Variants in THAP12 observed in about 807,000 individuals in gnomAD.
THAP12 encodes THAP domain containing 12.
A neutral mutation model predicts 63.0 loss-of-function variants in THAP12; 20 were observed. The observed-to-expected ratio is 0.32, with a 90% CI of 0.22 to 0.46. THAP12 has a LOEUF of 0.46. Among genes scored for constraint, THAP12 ranks in the 20% least tolerant of loss-of-function variants. The pLI, the probability that THAP12 is intolerant of heterozygous loss-of-function variation, is 1.00. For synonymous variants in THAP12, 264 were observed against 328.4 expected (o/e 0.80, Z 2.12); for missense variants, 568 against 908.2 (o/e 0.63, Z 4.81).
At chr11:76,366,637 C>T (rs544738940) in intron 1 of THAP12, among the ~76,000 whole-genome samples, 30 of 151,476 alleles carry the variant, frequency 2.0e-4, no homozygotes, top group African/African-American at 7.3e-4. Flanking sequence ...GCCGAGATTG[C>T]GCCACTGCAC....
At position 76,361,017 on chromosome 11, in the gene THAP12, A is replaced by G; in HGVS notation, c.257T>C (p.Phe86Ser). Residue 86 changes from phenylalanine to serine, a missense_variant, in exon 3 of 5, where the codon TTT becomes TCT. Physicochemically the swap from Phe to Ser is radical, Grantham distance 155 (BLOSUM62 -2). Transcript: ENST00000260045. ...GTTGTTCAAATGACTGGTAAGATCA[A>G]ATATTGTTGGTATTGCATTATCTCG... The part of the protein sequence containing the change: ...VLRDNAIPTI[F>S]DLTSHLNNPH... The G allele has an allele frequency of 6.2e-7, 1 of 1,611,232 alleles. No homozygotes were observed. Among genetic ancestry groups the G allele is most frequent in the Non-Finnish European group, 8.5e-7 (1 of 1,179,034 alleles).
At position 76,351,899 on chromosome 11, in the gene THAP12, T is replaced by C. The variant is rs1385100667; in HGVS notation, c.1251A>G (p.Lys417=). The change falls in exon 5 of 5, where the codon AAA becomes AAG. Residue 417 remains lysine (K), a synonymous_variant. Transcript: ENST00000260045. The part of the protein sequence containing the change: ...VLFQNSKERG[K]ELKEICHSQW... The stretch of plus-strand genomic sequence containing the variant: ...GAGAATGGCAGATTTCCTTCAGTTC[T>C]TTACCCCTTTCTTTACTGTTCTGAA... 1.2e-6 allele frequency: 2 copies of C among 1,600,094 alleles called. No homozygotes were observed. The highest frequency in any genetic ancestry group is 2.7e-5 in the African/African-American group (2 of 74,274).
intron 2 of THAP12, among the ~76,000 whole-genome samples, chr11:76,365,022 T>C (rs1418812107): frequency 1.3e-5 from 2 of 152,176 alleles, no homozygotes; most frequent in African/African-American, 4.8e-5. Flanking sequence ...GGCTCATACA[T>C]GTAATCCCAG....
At chr11:76,374,968 A>T (rs1208594473) in intron 1 of THAP12, among the ~76,000 whole-genome samples, 1 of 152,230 alleles carries the variant, frequency 6.6e-6, no homozygotes, top group East Asian at 1.9e-4. Flanking sequence ...CCCTCACCAG[A>T]TGCCAAATCT....
chr11:76,351,784 T>A lies in THAP12; in HGVS notation c.1366A>T (p.Asn456Tyr), dbSNP rs767646044. 6.2e-7 allele frequency: 1 copy of A among 1,613,176 alleles called. No individual in the cohort carries two copies. Among genetic ancestry groups the A allele is most frequent in the Non-Finnish European group, 8.5e-7 (1 of 1,179,444 alleles). The part of the protein sequence containing the change: ...LCLDGINSDT[N>Y]IRWNNYIAGR... ...GCTATATAGTTATTCCATCTAATAT[T>A]TGTGTCACTATTTATACCATCTAAA... Residue 456 changes from asparagine (N) to tyrosine (Y), a missense_variant, in exon 5 of 5, where the codon AAT becomes TAT. By Grantham distance (143) the Asn-to-Tyr change is moderately radical. Coordinates refer to ENST00000260045, the MANE Select transcript of THAP12 (RefSeq NM_004705.4).
intron 3 of THAP12, among the ~76,000 whole-genome samples, chr11:76,360,508 A>C (rs1946591209): frequency 6.6e-6 from 1 of 152,230 alleles, no homozygotes; most frequent in South Asian, 2.1e-4. Context: ...CAGAAATTTC[A>C]GTGTTTTTTT....
chr11:76,355,365 C>A (rs1946554145), intron 4 of THAP12, among the ~76,000 whole-genome samples: 1 of 152,254 alleles, frequency 6.6e-6, no homozygotes, highest in Non-Finnish European at 1.5e-5. Flanking sequence ...ACCCCTACCA[C>A]ACTGAGAGAG....
chr11:76,352,939 C>A, intron 4 of THAP12, 145 bp from the exon 5 acceptor site: 1 of 943,964 alleles, frequency 1.1e-6, no homozygotes. Flanking sequence ...CAGACTAGGA[C>A]AGAGATTAAA....
chr11:76,370,895 G>A (rs961055406), intron 1 of THAP12, among the ~76,000 whole-genome samples: 1 of 149,690 alleles, frequency 6.7e-6, no homozygotes, highest in Non-Finnish European at 1.5e-5. Flanking sequence ...ATTCATATGT[G>A]TATTATGAAT....
chr11:76,374,388 A>C (rs1331978403), intron 1 of THAP12, among the ~76,000 whole-genome samples: 1 of 12,918 alleles, frequency 7.7e-5, no homozygotes, highest in Non-Finnish European at 1.9e-4. Flanking sequence ...TCATTATACA[A>C]AAAAAAAAAA....
rs1946755959 is a variant in THAP12, at chr11:76,381,010, T to C, written c.-174A>G. Reference sequence around the variant, plus strand: ...GCGAGGGCCAGGAGGGGTGCCGCGGTCCGAGGCCGGGCTGGGGACGCGGCT... The same window carrying C: ...GCGAGGGCCAGGAGGGGTGCCGCGGCCCGAGGCCGGGCTGGGGACGCGGCT... On this transcript the variant is annotated 5_prime_UTR_variant, in exon 1 of 5. Coordinates refer to ENST00000260045, the MANE Select transcript of THAP12 (RefSeq NM_004705.4). 4.0e-6 allele frequency: 1 copy of C among 247,470 alleles called. No homozygotes were observed. Among genetic ancestry groups the C allele is most frequent in the African/African-American group, 2.3e-5 (1 of 43,272 alleles). The allele number at this position is 247,470 out of a possible 1,614,324, so 15.3% of individuals were successfully genotyped here.
At chr11:76,360,765 G>C (rs1459116732) in intron 3 of THAP12, among the ~76,000 whole-genome samples, 191 bp downstream of exon 3, 1 of 152,154 alleles carries the variant, frequency 6.6e-6, no homozygotes, top group African/African-American at 2.4e-5. Context: ...AACTCTGAGG[G>C]AGATTTTCCA....
At chr11:76,376,789 G>C (rs1284381407) in intron 1 of THAP12, among the ~76,000 whole-genome samples, 1 of 150,918 alleles carries the variant, frequency 6.6e-6, no homozygotes, top group Non-Finnish European at 1.5e-5. Context: ...AACCCCTATA[G>C]ACTATACTCC....
chr11:76,360,283 T>A (rs1946589828), intron 3 of THAP12, among the ~76,000 whole-genome samples: 1 of 152,078 alleles, frequency 6.6e-6, no homozygotes. Flanking sequence ...CACCAACTGG[T>A]AGGGAAAGGA....
In THAP12 at chr11:76,377,049, C is replaced by CT. The variant is rs1239626257; in HGVS notation, c.89+3698dup. 5.3e-5 allele frequency among the ~76,000 whole-genome samples: 8 copies of CT among 152,310 alleles called. No individual in the cohort carries two copies. The South Asian group carries it at 1.0e-3, about 20-fold the overall frequency. ...GCGAGTTCTTTCCCATGTCTCGGAACTTAAAACACTGGGAATGCCCCAGGA... is the reference window on the plus strand; with the variant it reads ...GCGAGTTCTTTCCCATGTCTCGGAACTTTAAAACACTGGGAATGCCCCAGGA... On this transcript the variant is annotated intron_variant, in intron 1 of 4. Transcript: ENST00000260045.
At chr11:76,380,605 T>A in intron 1 of THAP12, 143 bp downstream of exon 1, 1 of 555,836 alleles carries the variant, frequency 1.8e-6, no homozygotes, top group Non-Finnish European at 2.6e-6. Context: ...CCCATCTCGG[T>A]CCAACGCTGG....
intron 1 of THAP12, among the ~76,000 whole-genome samples, chr11:76,372,058 G>A (rs1441088497): frequency 3.9e-5 from 6 of 152,020 alleles, no homozygotes; most frequent in Non-Finnish European, 5.9e-5. Context: ...TGATCCACCC[G>A]CCTCGGCCTC....
chr11:76,362,738 T>C (rs1263073273), intron 2 of THAP12, among the ~76,000 whole-genome samples: 1 of 152,226 alleles, frequency 6.6e-6, no homozygotes, highest in African/African-American at 2.4e-5. Context: ...AATAAAACAT[T>C]TTAACAAATT....
At chr11:76,362,199 T>C (rs972215026) in intron 2 of THAP12, among the ~76,000 whole-genome samples, 5 of 152,264 alleles carry the variant, frequency 3.3e-5, no homozygotes, top group African/African-American at 9.6e-5. Context: ...AATTTCTTCC[T>C]GAATTTGGAA....
Sources: allele counts gnomAD v4.1 joint callset (sites outside exome capture counted in the v4.1 genomes callset), GRCh38; gene constraint gnomAD v4.1.1; transcripts MANE v1.5; gene names NCBI Gene and HGNC (gene_info 2026-07-23, HGNC 2026-07-21).